Variants in RNF169 observed in about 807,000 individuals in gnomAD.
The protein encoded by RNF169 is ring finger protein 169.
In RNF169, 24 loss-of-function variants were observed where a neutral mutation model predicts 53.9. That is an observed-to-expected ratio of 0.45 (90% confidence interval 0.32 to 0.63). The LOEUF (loss-of-function observed/expected upper bound fraction) is 0.63, where lower values mean the gene tolerates loss of function less well. RNF169 is among the 20% of genes least tolerant of loss of function. The pLI, the probability that RNF169 is intolerant of heterozygous loss-of-function variation, is 0.04. For missense variants in RNF169, 883 were observed against 906.2 expected, an observed-to-expected ratio of 0.97 and a Z score of 0.33; for synonymous variants, 396 against 363.5, an observed-to-expected ratio of 1.09 and a Z score of -1.02.
chr11:74,762,728 C>G (rs865842803), intron 1 of RNF169, among the ~76,000 whole-genome samples: 1 of 152,100 alleles, frequency 6.6e-6, no homozygotes, highest in Non-Finnish European at 1.5e-5. Flanking sequence ...ACTGTAAGCC[C>G]AAAAGCTGCA....
intron 4 of RNF169, 24 bp from the exon 5 acceptor site, chr11:74,834,652 C>A (rs765380518): frequency 2.5e-6 from 4 of 1,576,532 alleles, no homozygotes; most frequent in Non-Finnish European, 3.5e-6. Flanking sequence ...TTTGACTACT[C>A]GTTTTTTATT....
intron 1 of RNF169, among the ~76,000 whole-genome samples, chr11:74,754,100 A>G (rs1383883188): frequency 6.6e-6 from 1 of 152,184 alleles, no homozygotes; most frequent in African/African-American, 2.4e-5. Flanking sequence ...TTCAGGAATT[A>G]TGTAATATGT....
intron 1 of RNF169, among the ~76,000 whole-genome samples, chr11:74,770,279 C>A (rs113106362): frequency 0.011 from 1,731 of 152,330 alleles, 17 homozygotes; most frequent in Middle Eastern, 0.034. Context: ...CATCGTATTT[C>A]TTTTTTGATG....
intron 3 of RNF169, among the ~76,000 whole-genome samples, chr11:74,813,083 T>A (rs982595095): frequency 6.6e-6 from 1 of 152,206 alleles, no homozygotes; most frequent in African/African-American, 2.4e-5. Flanking sequence ...ATCACATTCA[T>A]GAAGCCTATA....
chr11:74,752,595 CAA>C (rs371908528), intron 1 of RNF169, among the ~76,000 whole-genome samples: 21 of 111,876 alleles, frequency 1.9e-4, no homozygotes, highest in Admixed American at 3.8e-4. Flanking sequence ...GACTCTGTCT[CAA>C]AAAAAAAAAA....
chr11:74,774,379 CA>C (rs200963092), intron 1 of RNF169, among the ~76,000 whole-genome samples: 3 of 148,238 alleles, frequency 2.0e-5, no homozygotes, highest in African/African-American at 7.4e-5. Context: ...AAGAAACAAA[CA>C]AAAAAAAACC....
chr11:74,803,016 G>T (rs2035755162), intron 2 of RNF169, among the ~76,000 whole-genome samples: 2 of 152,024 alleles, frequency 1.3e-5, no homozygotes, highest in African/African-American at 2.4e-5. Context: ...CGCCTCCCGG[G>T]TTCACACCAT....
intron 2 of RNF169, among the ~76,000 whole-genome samples, chr11:74,803,154 C>G (rs2035757849): frequency 1.3e-5 from 2 of 150,036 alleles, no homozygotes; most frequent in Non-Finnish European, 2.9e-5. Context: ...GTGGTGCAGT[C>G]TGCTCACTGC....
chr11:74,818,332 C>T (rs941921779), intron 4 of RNF169, among the ~76,000 whole-genome samples: 24 of 152,090 alleles, frequency 1.6e-4, no homozygotes, highest in African/African-American at 5.6e-4. Context: ...TACATTCATT[C>T]AACAGACATT....
At chr11:74,810,410 T>C in intron 3 of RNF169, 80 bp downstream of exon 3, 5 of 1,323,804 alleles carry the variant, frequency 3.8e-6, no homozygotes, top group Non-Finnish European at 5.4e-6. Context: ...GAAAGACCTA[T>C]GTTGGTAAAT....
At position 74,838,358 on chromosome 11, in the gene RNF169, G is replaced by C. The variant is rs1441686068; in HGVS notation, c.*1628G>C. Reference sequence around the variant, plus strand: ...GTTATTTGTGGTTGAGAGAGAGAGAGAATGTAATGTCTGAGACTAGCCAGC... The same window carrying C: ...GTTATTTGTGGTTGAGAGAGAGAGACAATGTAATGTCTGAGACTAGCCAGC... On this transcript the variant is annotated 3_prime_UTR_variant, in exon 6 of 6. Transcript: ENST00000299563. 1 of 152,196 alleles carries C rather than the reference G, an allele frequency of 6.6e-6. No homozygotes were observed. The highest frequency in any genetic ancestry group is 2.4e-5 in the African/African-American group (1 of 41,446). The allele number at this position is 152,196 out of a possible 1,614,324, so 9.4% of individuals were successfully genotyped here.
chr11:74,804,962 A>G (rs998247063), intron 2 of RNF169, among the ~76,000 whole-genome samples: 2 of 152,220 alleles, frequency 1.3e-5, no homozygotes, highest in African/African-American at 2.4e-5. Flanking sequence ...TATAACCACC[A>G]TTGGAAACCT....
chr11:74,822,590 C>CACAG (rs2036029249), intron 4 of RNF169, among the ~76,000 whole-genome samples: 1 of 152,186 alleles, frequency 6.6e-6, no homozygotes, highest in Non-Finnish European at 1.5e-5. Flanking sequence ...GTGCAAAGAG[C>CACAG]ACAGGCCTTA....
At position 74,836,662 on chromosome 11, in the gene RNF169, G is replaced by T. The variant is rs2036262173; in HGVS notation, c.2059G>T (p.Val687Leu). The change falls in exon 6 of 6, where the codon GTG (valine) becomes TTG (leucine). Residue 687 changes from valine (V) to leucine (L), a missense_variant. Val to Leu is a conservative substitution (Grantham distance 32, BLOSUM62 1). Coordinates refer to ENST00000299563, the MANE Select transcript of RNF169 (RefSeq NM_001098638.2). Reference protein sequence around the residue: ...QRMFDNERRTVSRRKGSVDQY... With the variant: ...QRMFDNERRTLSRRKGSVDQY... ...CATGTTCGACAATGAGAGGCGGACT[G>T]TGAGCCGGCGAAAAGGAAGTGTGGA... is the stretch of plus-strand genomic sequence containing the variant. 2 of 1,613,668 alleles carry T rather than the reference G, an allele frequency of 1.2e-6. No homozygotes were observed. Among genetic ancestry groups the T allele is most frequent in the African/African-American group, 2.7e-5 (2 of 74,932 alleles).
chr11:74,835,458 C>A, intron 5 of RNF169, 88 bp from the exon 6 acceptor site: 1 of 990,128 alleles, frequency 1.0e-6, no homozygotes, highest in Non-Finnish European at 1.5e-6. Flanking sequence ...TCCTCCCCTT[C>A]CCTGTGCCTC....
chr11:74,790,512 C>T (rs2035564256), intron 2 of RNF169, among the ~76,000 whole-genome samples: 1 of 152,224 alleles, frequency 6.6e-6, no homozygotes, highest in South Asian at 2.1e-4. Flanking sequence ...CTGGTGGTGC[C>T]TTTGCCCAAG....
intron 1 of RNF169, among the ~76,000 whole-genome samples, chr11:74,752,759 A>G (rs1387799180): frequency 1.3e-5 from 2 of 152,130 alleles, no homozygotes; most frequent in East Asian, 1.9e-4. Context: ...TACATCATCA[A>G]AGTCCACAGC....
At chr11:74,753,078 CCT>C (rs1357563996) in intron 1 of RNF169, among the ~76,000 whole-genome samples, 54 of 152,314 alleles carry the variant, frequency 3.5e-4, no homozygotes, top group African/African-American at 1.2e-3. Flanking sequence ...AAGCGATTCT[CCT>C]GTCTCCATCT....
At chr11:74,834,955 G>A (rs1443270069) in intron 5 of RNF169, among the ~76,000 whole-genome samples, 180 bp downstream of exon 5, 1 of 152,026 alleles carries the variant, frequency 6.6e-6, no homozygotes, top group Non-Finnish European at 1.5e-5. Context: ...GTAGCCAGAT[G>A]GGTAGAATTA....
Sources: allele counts gnomAD v4.1 joint callset (sites outside exome capture counted in the v4.1 genomes callset), GRCh38; gene constraint gnomAD v4.1.1; transcripts MANE v1.5; gene names NCBI Gene and HGNC (gene_info 2026-07-23, HGNC 2026-07-21).